The following CUL2 variants were observed in gnomAD, a reference collection of about 807,000 sequenced individuals.
CUL2 encodes the protein cullin 2.
Under a neutral mutation model 110.2 loss-of-function variants are expected in CUL2, and 22 were observed. The observed-to-expected ratio is 0.20, with a 90% confidence interval of 0.14 to 0.28. The LOEUF is 0.28. Among genes scored for constraint, CUL2 ranks in the 10% least tolerant of loss-of-function variants. The pLI is 1.00. For synonymous variants in CUL2, 279 were observed against 293.2 expected (o/e 0.95, Z 0.49); for missense variants, 631 against 905.5 (o/e 0.70, Z 3.89).
intron 1 of CUL2, 164 bp downstream of exon 1, chr10:35,090,015 G>A (rs960291752): frequency 3.3e-5 from 5 of 152,276 alleles, no homozygotes; most frequent in African/African-American, 4.8e-5. Context: ...GGGAGCCGAG[G>A]TCACTTACAG....
chr10:35,111,475 T>G (rs891001941), intron 1 of CUL2, among the ~76,000 whole-genome samples: 1 of 151,994 alleles, frequency 6.6e-6, no homozygotes, highest in Non-Finnish European at 1.5e-5. Context: ...CCCAGGCTGG[T>G]CTCAAACTCC....
intron 1 of CUL2, among the ~76,000 whole-genome samples, chr10:35,105,467 G>T (rs1274109215): frequency 1.3e-5 from 2 of 151,096 alleles, no homozygotes; most frequent in Admixed American, 1.3e-4. Flanking sequence ...GGCCGGGTGC[G>T]GTGGCTCACG....
chr10:35,088,063 T>C (rs2087105051), intron 1 of CUL2, among the ~76,000 whole-genome samples: 1 of 152,168 alleles, frequency 6.6e-6, no homozygotes, highest in Non-Finnish European at 1.5e-5. Context: ...CCTCAGGAAG[T>C]TCTTTTCTGG....
At chr10:35,076,007 A>G (rs1350319785) in intron 1 of CUL2, among the ~76,000 whole-genome samples, 1 of 152,210 alleles carries the variant, frequency 6.6e-6, no homozygotes, top group Non-Finnish European at 1.5e-5. Context: ...TTATTCATAA[A>G]GGCCCTTGAA....
At position 35,120,457 on chromosome 10, in the gene CUL2, T is replaced by C. The variant is rs1415752940; in HGVS notation, c.-51+6148A>G. 4 of 152,260 alleles carry C rather than the reference T, an allele frequency of 2.6e-5. No individual in the cohort carries two copies. The East Asian group carries it at 7.7e-4, about 29-fold the overall frequency. The allele number at this position is 152,260 out of a possible 1,614,324, so 9.4% of individuals were successfully genotyped here. Reference sequence around the variant, plus strand: ...TTTTCTAGTCTCTGTTATAAAAAGGTTACATTTTATTTGAAGAAAACAAAG... The same window carrying C: ...TTTTCTAGTCTCTGTTATAAAAAGGCTACATTTTATTTGAAGAAAACAAAG... On this transcript the variant is annotated intron_variant, in intron 1 of 5. Transcript: ENST00000685421.
chr10:35,039,101 A>T lies in CUL2; in HGVS notation c.715-19T>A. On this transcript the variant is annotated intron_variant, in intron 8 of 20. Transcript: ENST00000374749. ...CTAGAACCTATAAAAATATTTTCTTACAGTCATGAACACAAAGTTTTACTA... is the reference window on the plus strand; with the variant it reads ...CTAGAACCTATAAAAATATTTTCTTTCAGTCATGAACACAAAGTTTTACTA... 6.8e-7 allele frequency: 1 copy of T among 1,481,060 alleles called. No individual in the cohort carries two copies. The highest frequency in any genetic ancestry group is 9.1e-7 in the Non-Finnish European group (1 of 1,104,440). 91.7% of individuals were successfully genotyped at this position (1,481,060 alleles called of 1,614,324 possible). A position where few individuals can be genotyped will look rare whatever the true frequency, so the allele number is the denominator to read the frequency against.
chr10:35,110,160 A>C (rs2087508370), intron 1 of CUL2, among the ~76,000 whole-genome samples: 1 of 152,222 alleles, frequency 6.6e-6, no homozygotes, highest in African/African-American at 2.4e-5. Context: ...ATTCTGTCTC[A>C]GAAACAAAAC....
intron 1 of CUL2, among the ~76,000 whole-genome samples, chr10:35,107,612 G>T (rs1159084908): frequency 1.3e-5 from 2 of 151,852 alleles, no homozygotes; most frequent in African/African-American, 4.8e-5. Flanking sequence ...GCCTGGCGCG[G>T]TGGCTCATGC....
At chr10:35,021,406 TAAAC>T (rs928942305) in intron 17 of CUL2, among the ~76,000 whole-genome samples, 4 of 151,952 alleles carry the variant, frequency 2.6e-5, no homozygotes, top group African/African-American at 9.6e-5. Context: ...CTGCTGTGTA[TAAAC>T]ATACATTTTT....
intron 6 of CUL2, 82 bp downstream of exon 6, chr10:35,049,601 G>T: frequency 9.1e-7 from 1 of 1,095,126 alleles, no homozygotes; most frequent in Non-Finnish European, 1.3e-6. Context: ...GCTAGTCACT[G>T]GCTCTGCAAT....
chr10:35,093,877 C>CT, upstream of CUL2, among the ~76,000 whole-genome samples: 1 of 151,960 alleles, frequency 6.6e-6, no homozygotes, highest in South Asian at 2.1e-4. Context: ...AAAAGCAATC[C>CT]TTTTCCTCTG....
intron 1 of CUL2, among the ~76,000 whole-genome samples, chr10:35,125,049 T>C (rs1334277998): frequency 1.3e-5 from 2 of 152,230 alleles, no homozygotes; most frequent in Non-Finnish European, 2.9e-5. Flanking sequence ...TTTTTTAAAA[T>C]CTACAATAAT....
chr10:35,050,193 C>T (rs1453209155), intron 5 of CUL2, among the ~76,000 whole-genome samples: 4 of 152,054 alleles, frequency 2.6e-5, no homozygotes, highest in African/African-American at 7.2e-5. Context: ...TGGTGGCATG[C>T]GCCTGTAATC....
intron 1 of CUL2, among the ~76,000 whole-genome samples, chr10:35,109,887 T>C (rs1300943100): frequency 1.3e-5 from 2 of 152,168 alleles, no homozygotes; most frequent in African/African-American, 2.4e-5. Flanking sequence ...AAAATATCCA[T>C]AGTGGGCCAG....
intron 2 of CUL2, among the ~76,000 whole-genome samples, chr10:35,064,364 A>C (rs2086463412): frequency 6.6e-6 from 1 of 152,236 alleles, no homozygotes; most frequent in South Asian, 2.1e-4. Flanking sequence ...CTTAAAAATA[A>C]GGATGCAAAT....
At chr10:35,104,349 G>A (rs1455728877) in intron 1 of CUL2, among the ~76,000 whole-genome samples, 1 of 152,182 alleles carries the variant, frequency 6.6e-6, no homozygotes, top group Non-Finnish European at 1.5e-5. Flanking sequence ...TGGAGGCTGA[G>A]GTGGGAGGAT....
chr10:35,020,839 TCTCA>T (rs2085162010), intron 17 of CUL2, among the ~76,000 whole-genome samples: 1 of 152,214 alleles, frequency 6.6e-6, no homozygotes, highest in African/African-American at 2.4e-5. Context: ...TCAGGATTTT[TCTCA>T]CTCTGTCACA....
Position 35,021,454 on chromosome 10 carries a change from CAT to C in CUL2, c.1684+3676_1684+3677del, listed in dbSNP as rs1554853761. Among the ~76,000 whole-genome samples the C allele has an allele frequency of 2.9e-3, 438 of 149,384 alleles. 1 individual carries two copies. Among genetic ancestry groups the C allele is most frequent in the African/African-American group, 0.01 (410 of 39,254 alleles). On this transcript the variant is annotated intron_variant, in intron 17 of 20. Coordinates refer to ENST00000374749, the MANE Select transcript of CUL2 (RefSeq NM_003591.4). ...GTATGTATATATATACACACACACA[CAT>C]ACATACACACACACAAATATGTAGT...
chr10:35,022,564 T>A (rs1176378965), intron 17 of CUL2, among the ~76,000 whole-genome samples: 1 of 152,190 alleles, frequency 6.6e-6, no homozygotes. Context: ...CATATATGGG[T>A]AATCTAGAAC....
Sources: allele counts gnomAD v4.1 joint callset (sites outside exome capture counted in the v4.1 genomes callset), GRCh38; gene constraint gnomAD v4.1.1; transcripts MANE v1.5; gene names NCBI Gene and HGNC (gene_info 2026-07-23, HGNC 2026-07-21).